Variants in SHQ1 observed in about 807,000 individuals in gnomAD.
SHQ1 encodes protein SHQ1 homolog.
A neutral mutation model predicts 53.8 loss-of-function variants in SHQ1; 49 were observed. That is an observed-to-expected ratio of 0.91 (90% confidence interval 0.72 to 1.16). SHQ1 has a LOEUF of 1.16. Ranked by LOEUF, SHQ1 falls within the 50% of genes most tolerant of loss-of-function variation. The pLI, the probability that SHQ1 is intolerant of heterozygous loss-of-function variation, is 0.00. For missense variants in SHQ1, 738 were observed against 683.1 expected, an observed-to-expected ratio of 1.08 and a Z score of -0.90; for synonymous variants, 243 against 251.0, an observed-to-expected ratio of 0.97 and a Z score of 0.30.
the SHQ1 span, among the ~76,000 whole-genome samples, chr3:72,731,396 TCA>T: frequency 1.3e-5 from 2 of 151,540 alleles, no homozygotes; most frequent in African/African-American, 4.9e-5. Context: ...TAAAAAATCC[TCA>T]GTTTGGGCTG....
chr3:72,779,997 AG>A (rs1706039478), intron 10 of SHQ1, among the ~76,000 whole-genome samples: 1 of 152,214 alleles, frequency 6.6e-6, no homozygotes, highest in Non-Finnish European at 1.5e-5. Flanking sequence ...CACTTTTGGG[AG>A]GCCAAGGCAG....
chr3:72,773,441 C>T lies in SHQ1; in HGVS notation c.1181+19475G>A, dbSNP rs1295762909. 5 of 390,546 alleles carry T rather than the reference C, an allele frequency of 1.3e-5. No individual in the cohort carries two copies. The East Asian group carries it at 2.0e-4, about 16-fold the overall frequency. 24.2% of individuals were successfully genotyped at this position (390,546 alleles called of 1,614,324 possible). On this transcript the variant is annotated intron_variant, in intron 10 of 10. Coordinates refer to ENST00000325599, the MANE Select transcript of SHQ1 (RefSeq NM_018130.3). The stretch of plus-strand genomic sequence containing the variant: ...TGAGTGAAATCCCCATCACCAAAAT[C>T]GGAGTGATCAGAGTGTTCAGAAAGA...
At chr3:72,781,382 G>A (rs1386153215) in intron 10 of SHQ1, among the ~76,000 whole-genome samples, 1 of 151,912 alleles carries the variant, frequency 6.6e-6, no homozygotes, top group Non-Finnish European at 1.5e-5. Flanking sequence ...AGAAGGGCTC[G>A]CATTTCAGAA....
chr3:72,814,023 TAAAC>T lies in SHQ1; in HGVS notation c.937-1233_937-1230del, dbSNP rs373954706. ...AAATTTCCACAAAATTGTTTTTTGA[TAAAC>T]AAAGTATAAAAAATGTAAACCATAT... On this transcript the variant is annotated intron_variant, in intron 8 of 10. Transcript: ENST00000325599. Among the ~76,000 whole-genome samples, 279 of 152,020 alleles carry T rather than the reference TAAAC, an allele frequency of 1.8e-3. 1 individual carries two copies. The highest frequency in any genetic ancestry group is 5.3e-3 in the African/African-American group (222 of 41,522).
At position 72,749,752 on chromosome 3, in the gene SHQ1, T is replaced by C. The variant is rs1575671253; in HGVS notation, c.*532A>G. On this transcript the variant is annotated 3_prime_UTR_variant, in exon 11 of 11. Coordinates refer to ENST00000325599, the MANE Select transcript of SHQ1 (RefSeq NM_018130.3). ...AACTATTATTTTCAGCTTGAAATAT[T>C]AGCTACACTTTGGTAAAAATACTTT... 9.1e-6 allele frequency: 2 copies of C among 218,646 alleles called. No homozygotes were observed. Among genetic ancestry groups the C allele is most frequent in the South Asian group, 3.7e-4 (2 of 5,416 alleles). The allele number at this position is 218,646 out of a possible 1,614,324, so 13.5% of individuals were successfully genotyped here. A position where few individuals can be genotyped will look rare whatever the true frequency, so the allele number is the denominator to read the frequency against.
intron 10 of SHQ1, among the ~76,000 whole-genome samples, chr3:72,762,836 G>A (rs1445551399): frequency 6.6e-6 from 1 of 151,866 alleles, no homozygotes; most frequent in African/African-American, 2.4e-5. Flanking sequence ...CACCACGCCT[G>A]GCTAATTTTT....
rs747546466 is a variant in SHQ1 at position 72,792,904 on chromosome 3, A to G, written c.1181+12T>C. The G allele has an allele frequency of 1.9e-6, 3 of 1,607,180 alleles. No homozygotes were observed. Among genetic ancestry groups the G allele is most frequent in the Non-Finnish European group, 1.7e-6 (2 of 1,178,552 alleles). On this transcript the variant is annotated intron_variant, in intron 10 of 10. Transcript: ENST00000325599. ...CATCTAAAAATTCGTAAGTAACTCTATGAAAACTTACTTGACTTTCTGAAT... is the reference window on the plus strand; with the variant it reads ...CATCTAAAAATTCGTAAGTAACTCTGTGAAAACTTACTTGACTTTCTGAAT...
the SHQ1 span, among the ~76,000 whole-genome samples, chr3:72,737,486 A>G: frequency 6.6e-6 from 1 of 151,802 alleles, no homozygotes; most frequent in Admixed American, 6.6e-5. Flanking sequence ...GAAAAAGAAG[A>G]TTTTTACAAT....
At chr3:72,827,465 C>T (rs895203399) in intron 5 of SHQ1, among the ~76,000 whole-genome samples, 1 of 152,014 alleles carries the variant, frequency 6.6e-6, no homozygotes, top group Non-Finnish European at 1.5e-5. Context: ...CTGTTTTCCT[C>T]CCCAAGGGAC....
intron 10 of SHQ1, among the ~76,000 whole-genome samples, chr3:72,784,002 T>C (rs1706148416): frequency 6.6e-6 from 1 of 152,166 alleles, no homozygotes; most frequent in African/African-American, 2.4e-5. Flanking sequence ...CAATATTCGT[T>C]CATTAATTGT....
intron 9 of SHQ1, among the ~76,000 whole-genome samples, chr3:72,811,383 A>G (rs1707118432): frequency 6.6e-6 from 1 of 152,258 alleles, no homozygotes; most frequent in African/African-American, 2.4e-5. Flanking sequence ...CATTTATAGT[A>G]GATTGATTTT....
chr3:72,803,568 C>G (rs1018117568), intron 9 of SHQ1, among the ~76,000 whole-genome samples: 9 of 152,168 alleles, frequency 5.9e-5, no homozygotes, highest in Non-Finnish European at 1.2e-4. Context: ...GACCTCGGCT[C>G]CCTACAAAAG....
the SHQ1 span, among the ~76,000 whole-genome samples, chr3:72,735,141 G>A: frequency 6.6e-6 from 1 of 151,804 alleles, no homozygotes; most frequent in Non-Finnish European, 1.5e-5. Context: ...GTGATAAGCT[G>A]CTCTCCTTTA....
rs144426852 is a variant in SHQ1, at chr3:72,779,093, A to G, written c.1181+13823T>C. ...GAAAATCCTTCGCTGGCTTCTCGCT[A>G]CTCTTAGAATAAGGATAAAAATTCT... On this transcript the variant is annotated intron_variant, in intron 10 of 10. Transcript: ENST00000325599. Among the ~76,000 whole-genome samples the G allele has an allele frequency of 2.4e-3, 358 of 152,284 alleles. 2 individuals carry two copies. The highest frequency in any genetic ancestry group is 8.4e-3 in the African/African-American group (349 of 41,554).
chr3:72,784,682 C>T, intron 10 of SHQ1, among the ~76,000 whole-genome samples: 1 of 152,210 alleles, frequency 6.6e-6, no homozygotes, highest in South Asian at 2.1e-4. Context: ...TAATCATTAG[C>T]AGCTAATTTA....
chr3:72,768,006 A>T (rs1245402203), intron 10 of SHQ1, among the ~76,000 whole-genome samples: 1 of 152,106 alleles, frequency 6.6e-6, no homozygotes, highest in Non-Finnish European at 1.5e-5. Flanking sequence ...TCTTGCAGCC[A>T]CTTCATTCCA....
chr3:72,838,450 A>G (rs1015405328), intron 4 of SHQ1, among the ~76,000 whole-genome samples: 6 of 152,238 alleles, frequency 3.9e-5, no homozygotes, highest in African/African-American at 1.2e-4. Flanking sequence ...TAGATGATTA[A>G]GCCATTTTAA....
intron 9 of SHQ1, among the ~76,000 whole-genome samples, chr3:72,798,937 T>C (rs754822438): frequency 1.5e-4 from 23 of 152,338 alleles, no homozygotes; most frequent in Middle Eastern, 3.4e-3. Context: ...CTTTGAAGTT[T>C]TGAGTTACCC....
At chr3:72,824,359 G>A in intron 6 of SHQ1, 65 bp downstream of exon 6, 8 of 1,557,448 alleles carry the variant, frequency 5.1e-6, no homozygotes, top group Non-Finnish European at 7.0e-6. Context: ...AATATGGAAG[G>A]CAGTAAACGT....
Sources: gnomAD v4.1 joint callset for allele counts (sites outside exome capture counted in the v4.1 genomes callset) on GRCh38, gnomAD v4.1.1 for gene constraint, MANE v1.5 for transcripts, NCBI Gene and HGNC (gene_info 2026-07-23, HGNC 2026-07-21) for gene names.